Variants in CBX5 observed in about 807,000 individuals in gnomAD.
CBX5 encodes the protein chromobox 5.
In CBX5, 7 loss-of-function variants were observed where a neutral mutation model predicts 20.7. The ratio of observed to expected loss-of-function variants is 0.34; its 90% CI spans 0.19 to 0.63. The LOEUF (loss-of-function observed/expected upper bound fraction) is 0.63, where lower values mean the gene tolerates loss of function less well. Ranked by LOEUF, CBX5 falls within the 30% of genes least tolerant of loss-of-function variation. The pLI, the probability that CBX5 is intolerant of heterozygous loss-of-function variation, is 0.75. For synonymous variants in CBX5, 78 were observed against 77.0 expected, an observed-to-expected ratio of 1.01 and a Z score of -0.07; for missense variants, 110 against 224.1, an observed-to-expected ratio of 0.49 and a Z score of 3.25.
intron 1 of CBX5, among the ~76,000 whole-genome samples, chr12:54,279,509 C>G (rs559123984): frequency 6.6e-6 from 1 of 152,162 alleles, no homozygotes; most frequent in African/African-American, 2.4e-5. Context: ...CTCACAACCC[C>G]AAATCGAAGA....
intron 1 of CBX5, among the ~76,000 whole-genome samples, chr12:54,271,006 T>C (rs1383963937): frequency 6.6e-6 from 1 of 152,220 alleles, no homozygotes; most frequent in Non-Finnish European, 1.5e-5. Flanking sequence ...TGCAGTGAGT[T>C]GATTGTGTCA....
chr12:54,250,459 C>T (rs1028925048), intron 3 of CBX5, among the ~76,000 whole-genome samples: 5 of 151,770 alleles, frequency 3.3e-5, no homozygotes, highest in African/African-American at 1.2e-4. Flanking sequence ...ATGATTTTCA[C>T]TGCAAAAAAA....
chr12:54,277,448 AC>A (rs1197680464), intron 1 of CBX5, among the ~76,000 whole-genome samples: 1 of 151,594 alleles, frequency 6.6e-6, no homozygotes, highest in East Asian at 1.9e-4. Context: ...GAAGTGATCC[AC>A]CCGCCTCGGC....
intron 4 of CBX5, among the ~76,000 whole-genome samples, chr12:54,242,579 A>G (rs535233477): frequency 5.3e-5 from 8 of 151,760 alleles, no homozygotes; most frequent in African/African-American, 1.7e-4. Context: ...GCACAAGTCA[A>G]TTATACACAG....
chr12:54,246,237 A>C (rs768987629), intron 3 of CBX5, 22 bp from the exon 4 acceptor site: 9 of 1,559,950 alleles, frequency 5.8e-6, no homozygotes, highest in Non-Finnish European at 8.0e-6. Context: ...AGATAAAGAA[A>C]GGTTACAGCT....
chr12:54,245,884 A>G (rs1434987855), intron 4 of CBX5, among the ~76,000 whole-genome samples: 1 of 152,210 alleles, frequency 6.6e-6, no homozygotes, highest in Non-Finnish European at 1.5e-5. Flanking sequence ...AGGCTGAGAC[A>G]GGAGAATCAC....
In CBX5 at chr12:54,231,101, C is replaced by CAT; in HGVS notation, c.*10652_*10653dup. On this transcript the variant is annotated 3_prime_UTR_variant, in exon 5 of 5. Coordinates refer to ENST00000209875, the MANE Select transcript of CBX5 (RefSeq NM_012117.3). ...TAAACATTTACATTTAAAAGGTGAA[C>CAT]ATATATATAGACCACTTATACTTTA... The CAT allele has an allele frequency of 6.6e-6, 1 of 152,042 alleles. No individual in the cohort carries two copies. Among genetic ancestry groups the CAT allele is most frequent in the African/African-American group, 2.4e-5 (1 of 41,454 alleles). The allele number at this position is 152,042 out of a possible 1,614,324, so 9.4% of individuals were successfully genotyped here.
At chr12:54,257,785 T>G in intron 1 of CBX5, 93 bp from the exon 2 acceptor site, 1 of 848,256 alleles carries the variant, frequency 1.2e-6, no homozygotes, top group Non-Finnish European at 1.9e-6. Context: ...TAACACTGAG[T>G]TGCCATGTGC....
chr12:54,261,889 T>C (rs904372320), intron 1 of CBX5, among the ~76,000 whole-genome samples: 1 of 152,162 alleles, frequency 6.6e-6, no homozygotes. Context: ...ACCAAAGATC[T>C]ATTAAGTCCC....
intron 3 of CBX5, among the ~76,000 whole-genome samples, chr12:54,248,717 G>A (rs1943762702): frequency 6.6e-6 from 1 of 152,144 alleles, no homozygotes; most frequent in Non-Finnish European, 1.5e-5. Context: ...GCGAATGGAA[G>A]AAAAACGTTC....
intron 3 of CBX5, among the ~76,000 whole-genome samples, chr12:54,248,102 C>G (rs1294364917): frequency 1.3e-5 from 2 of 152,074 alleles, no homozygotes; most frequent in African/African-American, 4.8e-5. Flanking sequence ...CTCGGCCTCC[C>G]AAAGTGCTGA....
Position 54,233,877 on chromosome 12 carries a change from G to GC in CBX5, c.*7877dup, listed in dbSNP as rs1455841873. The GC allele has an allele frequency of 6.6e-6, 1 of 151,540 alleles. No homozygotes were observed. Among genetic ancestry groups the GC allele is most frequent in the Non-Finnish European group, 1.5e-5 (1 of 67,982 alleles). 9.4% of individuals were successfully genotyped at this position (151,540 alleles called of 1,614,324 possible). A position where few individuals can be genotyped will look rare whatever the true frequency, so the allele number is the denominator to read the frequency against. ...CATTTGAGCCCAGGAGATTGAGGCT[G>GC]CAGTGAGCTGTAATAAAGATACTGT... On this transcript the variant is annotated 3_prime_UTR_variant, in exon 5 of 5. Coordinates refer to ENST00000209875, the MANE Select transcript of CBX5 (RefSeq NM_012117.3).
intron 1 of CBX5, among the ~76,000 whole-genome samples, chr12:54,260,282 CGT>C (rs1943903806): frequency 1.3e-5 from 2 of 151,692 alleles, no homozygotes; most frequent in Admixed American, 1.3e-4. Context: ...TTTGAGGTCA[CGT>C]GCTCAAGACT....
chr12:54,279,079 G>C (rs2137036191), intron 1 of CBX5: 1 of 152,218 alleles, frequency 6.6e-6, no homozygotes, highest in African/African-American at 2.4e-5. Flanking sequence ...AATCTGCCTC[G>C]ATCCTACTGT....
intron 3 of CBX5, among the ~76,000 whole-genome samples, chr12:54,249,087 G>C (rs1442226936): frequency 6.6e-6 from 1 of 152,166 alleles, no homozygotes; most frequent in Non-Finnish European, 1.5e-5. Flanking sequence ...AAAAATGACA[G>C]AGGCCAGGTG....
At chr12:54,256,669 C>T (rs1250406126) in intron 2 of CBX5, among the ~76,000 whole-genome samples, 2 of 152,156 alleles carry the variant, frequency 1.3e-5, no homozygotes, top group African/African-American at 4.8e-5. Context: ...TCTTAGCACA[C>T]ACACACACAC....
At chr12:54,257,825 G>A in intron 1 of CBX5, 133 bp from the exon 2 acceptor site, 1 of 629,192 alleles carries the variant, frequency 1.6e-6, no homozygotes, top group Non-Finnish European at 2.8e-6. Context: ...TCATTCTACA[G>A]ATGAGTCCTA....
intron 3 of CBX5, among the ~76,000 whole-genome samples, chr12:54,248,935 CA>C (rs1416441586): frequency 6.6e-6 from 1 of 152,164 alleles, no homozygotes; most frequent in Non-Finnish European, 1.5e-5. Context: ...AGAATGCTAT[CA>C]GGGGTCCCAG....
In CBX5 at chr12:54,237,859, GCAAA is replaced by G. The variant is rs1943638861; in HGVS notation, c.*3892_*3895del. 6.6e-6 allele frequency: 1 copy of G among 152,242 alleles called. No individual in the cohort carries two copies. Among genetic ancestry groups the G allele is most frequent in the African/African-American group, 2.4e-5 (1 of 41,426 alleles). 9.4% of individuals were successfully genotyped at this position (152,242 alleles called of 1,614,324 possible). On this transcript the variant is annotated 3_prime_UTR_variant, in exon 5 of 5. Transcript: ENST00000209875. The stretch of plus-strand genomic sequence containing the variant: ...GTATTACTGAAAGTGCTCCATGAGA[GCAAA>G]CAAATAATGACAATTTTATTTTTGT...
Sources: gnomAD v4.1 joint callset for allele counts (sites outside exome capture counted in the v4.1 genomes callset) on GRCh38, gnomAD v4.1.1 for gene constraint, MANE v1.5 for transcripts, NCBI Gene and HGNC (gene_info 2026-07-23, HGNC 2026-07-21) for gene names.